MACROD1: variants seen among roughly 807,000 people sequenced by gnomAD.
MACROD1 encodes the protein mono-ADP ribosylhydrolase 1, also known as ADP-ribose glycohydrolase MACROD1.
Under a neutral mutation model 41.4 loss-of-function variants are expected in MACROD1, and 31 were observed. That is an observed-to-expected ratio of 0.75 (90% CI 0.56 to 1.01). The LOEUF is 1.01. MACROD1 is among the 50% of genes least tolerant of loss of function. The pLI, the probability that MACROD1 is intolerant of heterozygous loss-of-function variation, is 0.00. For synonymous variants in MACROD1, 252 were observed against 203.4 expected, an observed-to-expected ratio of 1.24 and a Z score of -2.03; for missense variants, 473 against 460.0, an observed-to-expected ratio of 1.03 and a Z score of -0.26.
rs116384523 is a variant in MACROD1 at position 64,057,882 on chromosome 11, C to T, written c.518-42601G>A. Among the ~76,000 whole-genome samples, 1,154 of 152,346 alleles carry T rather than the reference C, an allele frequency of 7.6e-3. 11 individuals are homozygous for T. The highest frequency in any genetic ancestry group is 0.025 in the African/African-American group (1,060 of 41,580). On this transcript the variant is annotated intron_variant, in intron 3 of 10. Coordinates refer to ENST00000255681, the MANE Select transcript of MACROD1 (RefSeq NM_014067.4). ...AAACCGAGGCACGAATTCGTGAGGT[C>T]ACAGGATTTGAACTCATGTGGGTGC... is the stretch of plus-strand genomic sequence containing the variant.
At chr11:64,108,253 C>T (rs1475206816) in intron 3 of MACROD1, among the ~76,000 whole-genome samples, 4 of 149,980 alleles carry the variant, frequency 2.7e-5, no homozygotes, top group African/African-American at 4.9e-5. Flanking sequence ...GCAGAGGTTG[C>T]GGTGAGCCAA....
rs7929232 is a variant in MACROD1 at position 64,076,306 on chromosome 11, C to T, written c.518-61025G>A. 1.1e-3 allele frequency among the ~76,000 whole-genome samples: 167 copies of T among 152,294 alleles called. 1 individual carries two copies. The highest frequency in any genetic ancestry group is 3.6e-3 in the African/African-American group (148 of 41,566). ...GCATGGGTCAAAAGACCCCACATGCCATGCTCTGACTTGGGGTTAGGGACA... is the reference window on the plus strand; with the variant it reads ...GCATGGGTCAAAAGACCCCACATGCTATGCTCTGACTTGGGGTTAGGGACA... On this transcript the variant is annotated intron_variant, in intron 3 of 10. Transcript: ENST00000255681.
chr11:64,054,523 G>A (rs1423994493), intron 3 of MACROD1, among the ~76,000 whole-genome samples: 1 of 152,124 alleles, frequency 6.6e-6, no homozygotes, highest in Non-Finnish European at 1.5e-5. Flanking sequence ...TCTTCTCTCT[G>A]CTCAGAGGTG....
At chr11:64,094,182 C>T (rs1944537285) in intron 3 of MACROD1, among the ~76,000 whole-genome samples, 1 of 152,182 alleles carries the variant, frequency 6.6e-6, no homozygotes, top group African/African-American at 2.4e-5. Context: ...CCTGTAATCC[C>T]AGAACTTTGG....
At chr11:64,136,894 G>A (rs1375843182) in intron 3 of MACROD1, among the ~76,000 whole-genome samples, 1 of 152,236 alleles carries the variant, frequency 6.6e-6, no homozygotes, top group African/African-American at 2.4e-5. Flanking sequence ...GGATGAGGAA[G>A]TGGGGGTGCC....
At position 64,008,736 on chromosome 11, in the gene MACROD1, C is replaced by T. The variant is rs1374326661; in HGVS notation, c.547+6516G>A. ...ATGGGGGCAGGGGCAGCTGCACCCA[C>T]ACAGGCAGGCTCGGCTCCTGCAGTT... On this transcript the variant is annotated intron_variant, in intron 4 of 10. Coordinates refer to ENST00000255681, the MANE Select transcript of MACROD1 (RefSeq NM_014067.4). Among the ~76,000 whole-genome samples the T allele has an allele frequency of 3.3e-5, 5 of 152,292 alleles. No individual in the cohort carries two copies. In the South Asian group the frequency reaches 8.3e-4, roughly 25 times the overall value.
At chr11:64,026,243 T>C (rs1324392282) in intron 3 of MACROD1, among the ~76,000 whole-genome samples, 1 of 151,962 alleles carries the variant, frequency 6.6e-6, no homozygotes, top group African/African-American at 2.4e-5. Flanking sequence ...CAGGCTGGTC[T>C]TGAACTCCTG....
intron 1 of MACROD1, among the ~76,000 whole-genome samples, chr11:64,160,226 A>G (rs1945733409): frequency 6.6e-6 from 1 of 152,184 alleles, no homozygotes; most frequent in Admixed American, 6.5e-5. Flanking sequence ...CCTGGATAAG[A>G]TCGCATGCTC....
chr11:64,076,378 G>A (rs184337558), intron 3 of MACROD1, among the ~76,000 whole-genome samples: 30 of 152,292 alleles, frequency 2.0e-4, no homozygotes, highest in East Asian at 5.8e-4. Flanking sequence ...CCTGGAGACC[G>A]TGATTGTCTC....
intron 3 of MACROD1, among the ~76,000 whole-genome samples, chr11:64,068,659 C>G (rs575055671): frequency 6.6e-6 from 1 of 152,234 alleles, no homozygotes; most frequent in Admixed American, 6.5e-5. Context: ...GTCTCTACCC[C>G]CTCCAGCCTG....
Position 64,031,902 on chromosome 11 carries a change from G to A in MACROD1, c.518-16621C>T, listed in dbSNP as rs541828546. ...TCCCGTAGTATACTGGGGCATCACT[G>A]GGGCCCCGAGCTAGGAGTCCACCCC... is the stretch of plus-strand genomic sequence containing the variant. On this transcript the variant is annotated intron_variant, in intron 3 of 10. Coordinates refer to ENST00000255681, the MANE Select transcript of MACROD1 (RefSeq NM_014067.4). Among the ~76,000 whole-genome samples the A allele has an allele frequency of 9.8e-5, 15 of 152,340 alleles. No individual in the cohort carries two copies. The East Asian group carries it at 2.9e-3, about 29-fold the overall frequency.
intron 3 of MACROD1, among the ~76,000 whole-genome samples, chr11:64,057,884 C>T (rs1353484876): frequency 6.6e-6 from 1 of 152,242 alleles, no homozygotes; most frequent in Admixed American, 6.5e-5. Context: ...CGTGAGGTCA[C>T]AGGATTTGAA....
intron 3 of MACROD1, among the ~76,000 whole-genome samples, chr11:64,071,484 T>C (rs1157416264): frequency 2.0e-5 from 3 of 152,120 alleles, no homozygotes; most frequent in African/African-American, 4.8e-5. Flanking sequence ...AAGGAGAGCA[T>C]TGTCCCCTTG....
chr11:64,141,087 G>C (rs1945406343), intron 3 of MACROD1, among the ~76,000 whole-genome samples: 1 of 152,204 alleles, frequency 6.6e-6, no homozygotes, highest in Non-Finnish European at 1.5e-5. Context: ...GTGAGCTGTG[G>C]TCACACCAGT....
chr11:64,050,726 C>G (rs1162759519), intron 3 of MACROD1, among the ~76,000 whole-genome samples: 1 of 152,240 alleles, frequency 6.6e-6, no homozygotes, highest in East Asian at 1.9e-4. Flanking sequence ...TCAAGCGATT[C>G]TCCTGCCTCA....
rs1195427994 is a variant in MACROD1 at position 64,051,310 on chromosome 11, AC to A, written c.518-36030del. Among the ~76,000 whole-genome samples, 26 of 152,258 alleles carry A rather than the reference AC, an allele frequency of 1.7e-4. 1 individual carries two copies. The South Asian group carries it at 5.2e-3, about 30-fold the overall frequency. Reference sequence around the variant, plus strand: ...TCTTTTGAAGTAGCTCTGGGCAGACACCTGCCTTGACGGCCCTCTGGGTGCT... The same window carrying A: ...TCTTTTGAAGTAGCTCTGGGCAGACACTGCCTTGACGGCCCTCTGGGTGCT... On this transcript the variant is annotated intron_variant, in intron 3 of 10. Coordinates refer to ENST00000255681, the MANE Select transcript of MACROD1 (RefSeq NM_014067.4).
At chr11:64,151,583 G>A (rs1235541445) in intron 2 of MACROD1, among the ~76,000 whole-genome samples, 1 of 152,178 alleles carries the variant, frequency 6.6e-6, no homozygotes, top group East Asian at 1.9e-4. Flanking sequence ...GCCACCAGCA[G>A]GTACAGTGCC....
intron 4 of MACROD1, among the ~76,000 whole-genome samples, chr11:64,004,649 G>A (rs558061574): frequency 2.6e-5 from 4 of 152,194 alleles, no homozygotes; most frequent in African/African-American, 9.6e-5. Context: ...GCTGGCCCAC[G>A]CTGTGCCCTC....
intron 3 of MACROD1, 56 bp from the exon 4 acceptor site, chr11:64,015,337 T>A (rs912352278): frequency 1.3e-6 from 2 of 1,543,090 alleles, no homozygotes; most frequent in South Asian, 2.4e-5. Context: ...GGCGGGAGTA[T>A]CAGCCTTGAG....
Sources: allele counts gnomAD v4.1 joint callset (sites outside exome capture counted in the v4.1 genomes callset), GRCh38; gene constraint gnomAD v4.1.1; transcripts MANE v1.5; gene names NCBI Gene and HGNC (gene_info 2026-07-23, HGNC 2026-07-21).